ZNF469: variants seen among roughly 807,000 people sequenced by gnomAD.
The protein encoded by ZNF469 is zinc finger protein 469.
In ZNF469, 1 loss-of-function variant was observed where a neutral mutation model predicts 1.0. The ratio of observed to expected loss-of-function variants is 1.00; its 90% CI spans 0.35 to 4.73. The LOEUF (loss-of-function observed/expected upper bound fraction) is 4.73, where lower values mean the gene tolerates loss of function less well. Ranked by LOEUF, ZNF469 falls within the 30% of genes most tolerant of loss-of-function variation. The pLI is 0.16. For synonymous variants in ZNF469, 2,703 were observed against 2,363.4 expected, an observed-to-expected ratio of 1.14 and a Z score of -4.17; for missense variants, 6,100 against 5,356.3, an observed-to-expected ratio of 1.14 and a Z score of -4.33.
At chr16:88,294,336 C>T in the ZNF469 span, among the ~76,000 whole-genome samples, 12 of 152,314 alleles carry the variant, frequency 7.9e-5, no homozygotes, top group African/African-American at 2.6e-4. Context: ...TCTAAGCACC[C>T]GCTCCTTCCT....
the ZNF469 span, among the ~76,000 whole-genome samples, chr16:88,358,305 G>A: frequency 3.3e-5 from 5 of 152,238 alleles, no homozygotes; most frequent in East Asian, 3.8e-4. Flanking sequence ...ACACCCGGGG[G>A]AGGGGGGCTG....
upstream of ZNF469, among the ~76,000 whole-genome samples, chr16:88,380,624 C>G (rs555513019): frequency 1.5e-4 from 22 of 147,054 alleles, no homozygotes; most frequent in African/African-American, 5.5e-4. Context: ...CACACCCAGA[C>G]ATGCGCTCAC....
chr16:88,257,925 A>G, the ZNF469 span, among the ~76,000 whole-genome samples: 13 of 152,194 alleles, frequency 8.5e-5, no homozygotes, highest in Non-Finnish European at 1.8e-4. Flanking sequence ...TTGGCTCCAG[A>G]ATGAGAATAG....
chr16:88,297,912 C>T, the ZNF469 span, among the ~76,000 whole-genome samples: 1 of 152,162 alleles, frequency 6.6e-6, no homozygotes, highest in Non-Finnish European at 1.5e-5. Flanking sequence ...CCCCAGGAGT[C>T]CCTGGGAGGT....
the ZNF469 span, among the ~76,000 whole-genome samples, chr16:88,184,378 T>A: frequency 2.0e-5 from 3 of 152,062 alleles, no homozygotes; most frequent in Non-Finnish European, 4.4e-5. Context: ...ATTAAACGTA[T>A]GATTTCTGCC....
chr16:88,185,153 A>T, the ZNF469 span, among the ~76,000 whole-genome samples: 1 of 57,860 alleles, frequency 1.7e-5, no homozygotes, highest in Non-Finnish European at 5.2e-5. Flanking sequence ...GCACACTCAC[A>T]CTCACAGGCA....
At chr16:88,271,739 A>C in the ZNF469 span, among the ~76,000 whole-genome samples, 49,923 of 150,640 alleles carry the variant, frequency 0.33, 8,929 homozygotes, top group East Asian at 0.51. Flanking sequence ...GACCATCAAG[A>C]ACTCAACAGA....
rs1906580889 is a variant in ZNF469, at chr16:88,436,456, G to T, written c.8986G>T (p.Ala2996Ser). 1.9e-6 allele frequency: 3 copies of T among 1,547,214 alleles called. No homozygotes were observed. In the East Asian group the frequency reaches 7.3e-5, roughly 38 times the overall value. Reference sequence around the variant, plus strand: ...TCCTGAGCTGCACATGGTCCCAGCGGCTTGGCGAGGCCTGGAGATGCCGGC... The same window carrying T: ...TCCTGAGCTGCACATGGTCCCAGCGTCTTGGCGAGGCCTGGAGATGCCGGC... ...AIPELHMVPA[A>S]WRGLEMPAPA... Residue 2996 changes from alanine to serine, a missense_variant, in exon 3 of 3, where the codon GCT becomes TCT. By Grantham distance (99) the Ala-to-Ser change is moderately conservative. Transcript: ENST00000565624.
At chr16:88,304,438 C>T in the ZNF469 span, among the ~76,000 whole-genome samples, 872 of 152,316 alleles carry the variant, frequency 5.7e-3, 7 homozygotes, top group African/African-American at 0.02. Flanking sequence ...GGGGCCAGGC[C>T]TCCATCCAGA....
the ZNF469 span, among the ~76,000 whole-genome samples, chr16:88,170,151 T>G: frequency 6.6e-6 from 1 of 152,146 alleles, no homozygotes; most frequent in Non-Finnish European, 1.5e-5. The surrounding 1 kb of genome is among the most constrained non-coding windows in gnomAD (Gnocchi z 4.2). Flanking sequence ...CACCTTTATC[T>G]AAAGAGGTAT....
chr16:88,211,768 G>C, the ZNF469 span, among the ~76,000 whole-genome samples: 2 of 152,050 alleles, frequency 1.3e-5, no homozygotes, highest in East Asian at 1.9e-4. Flanking sequence ...TCTGTCCTTT[G>C]CTTGTTCAAG....
At chr16:88,274,819 G>A in the ZNF469 span, among the ~76,000 whole-genome samples, 1 of 152,238 alleles carries the variant, frequency 6.6e-6, no homozygotes. Context: ...CATGGCCGTA[G>A]GATCCTGAGA....
chr16:88,318,726 G>C, the ZNF469 span, among the ~76,000 whole-genome samples: 1 of 152,258 alleles, frequency 6.6e-6, no homozygotes, highest in African/African-American at 2.4e-5. Context: ...AGGAGTCTGA[G>C]ATCTTGGAGC....
chr16:88,412,616 A>G (rs1905201977), intron 1 of ZNF469, among the ~76,000 whole-genome samples: 1 of 152,166 alleles, frequency 6.6e-6, no homozygotes. Context: ...GGATAGCAGC[A>G]TGCAGCATGG....
the ZNF469 span, among the ~76,000 whole-genome samples, chr16:88,171,710 T>C: frequency 6.6e-6 from 1 of 152,212 alleles, no homozygotes; most frequent in African/African-American, 2.4e-5. Context: ...ATCGCTGCGT[T>C]ACCCTGGGGA....
At chr16:88,298,900 T>C in the ZNF469 span, among the ~76,000 whole-genome samples, 1 of 152,140 alleles carries the variant, frequency 6.6e-6, no homozygotes. Context: ...CCCTCTTCTG[T>C]GTAAAATCCC....
chr16:88,436,497 C>A lies in ZNF469; in HGVS notation c.9027C>A (p.Ser3009=). The part of the protein sequence containing the change: ...GLEMPAPADD[S]SSSLGDVSPE... ...AGATGCCGGCCCCTGCCGATGACTC[C>A]TCCTCTTCTCTCGGAGATGTGAGCC... The change falls in exon 3 of 3, where the codon TCC becomes TCA. Residue 3009 remains serine (S), a synonymous_variant. Transcript: ENST00000565624. 6.5e-7 allele frequency: 1 copy of A among 1,548,274 alleles called. No individual in the cohort carries two copies. Among genetic ancestry groups the A allele is most frequent in the South Asian group, 1.2e-5 (1 of 84,062 alleles).
At chr16:88,221,311 G>A in the ZNF469 span, among the ~76,000 whole-genome samples, 3 of 152,216 alleles carry the variant, frequency 2.0e-5, no homozygotes, top group South Asian at 2.1e-4. Flanking sequence ...GTGAGGGCTC[G>A]AGCGAGATAG....
the ZNF469 span, among the ~76,000 whole-genome samples, chr16:88,322,099 T>C: frequency 7.5e-4 from 115 of 152,342 alleles, no homozygotes; most frequent in East Asian, 0.021. Flanking sequence ...GGCTGCAGGC[T>C]ACAGCATCAT....
Sources: gnomAD v4.1 joint callset for allele counts (sites outside exome capture counted in the v4.1 genomes callset) on GRCh38, gnomAD v4.1.1 for gene constraint, Gnocchi (gnomAD v3.1) non-coding constraint, MANE v1.5 for transcripts, NCBI Gene and HGNC (gene_info 2026-07-23, HGNC 2026-07-21) for gene names.